PHACTR3: variants seen among roughly 807,000 people sequenced by gnomAD.
PHACTR3 encodes the protein protein phosphatase 1, regulatory subunit 123.
A neutral mutation model predicts 66.8 loss-of-function variants in PHACTR3; 16 were observed. The observed-to-expected ratio is 0.24, with a 90% CI of 0.16 to 0.36. PHACTR3 has a LOEUF of 0.36. Among genes scored for constraint, PHACTR3 ranks in the 10% least tolerant of loss-of-function variants. The pLI is 1.00. For synonymous variants in PHACTR3, 323 were observed against 292.1 expected (o/e 1.11, Z -1.08); for missense variants, 647 against 719.9 (o/e 0.90, Z 1.16).
At chr20:59,806,337 A>G in intron 8 of PHACTR3, 143 bp downstream of exon 8, 1 of 1,096,344 alleles carries the variant, frequency 9.1e-7, no homozygotes. Flanking sequence ...GCCACCGTTG[A>G]CGTTTGGGGC....
chr20:59,598,871 A>C (rs2033397389), intron 1 of PHACTR3, among the ~76,000 whole-genome samples: 2 of 152,090 alleles, frequency 1.3e-5, no homozygotes, highest in Admixed American at 1.3e-4. Context: ...CCTGTGTCAG[A>C]GTGGTGGTTT....
At chr20:59,720,927 T>G (rs940889525) in intron 1 of PHACTR3, among the ~76,000 whole-genome samples, 4 of 127,562 alleles carry the variant, frequency 3.1e-5, no homozygotes, top group African/African-American at 2.1e-4. Flanking sequence ...ATTTCTGTAG[T>G]GGGTGTCAGG....
At chr20:59,633,425 C>T (rs1398826790) in intron 1 of PHACTR3, among the ~76,000 whole-genome samples, 1 of 152,138 alleles carries the variant, frequency 6.6e-6, no homozygotes, top group Non-Finnish European at 1.5e-5. Flanking sequence ...ACCACATGCT[C>T]TCACTTATAA....
intron 1 of PHACTR3, among the ~76,000 whole-genome samples, chr20:59,579,576 A>T (rs895290588): frequency 2.6e-5 from 4 of 152,184 alleles, no homozygotes; most frequent in Admixed American, 1.3e-4. Context: ...CTCCATCAGA[A>T]GTCCCTAGGG....
At chr20:59,788,807 G>C (rs535226110) in intron 7 of PHACTR3, among the ~76,000 whole-genome samples, 20 of 152,186 alleles carry the variant, frequency 1.3e-4, no homozygotes, top group Admixed American at 1.2e-3. Context: ...CTCAGCTAAT[G>C]TCATCTCCAT....
chr20:59,619,370 T>C (rs1269404883), intron 1 of PHACTR3, among the ~76,000 whole-genome samples: 2 of 152,040 alleles, frequency 1.3e-5, no homozygotes, highest in East Asian at 1.9e-4. Context: ...TGGAAGGGAA[T>C]GTGAGTGACC....
chr20:59,679,720 G>C (rs889062969), intron 1 of PHACTR3, among the ~76,000 whole-genome samples: 2 of 152,160 alleles, frequency 1.3e-5, no homozygotes, highest in African/African-American at 4.8e-5. Context: ...AAGGTGAAAG[G>C]CATGTCTTAC....
upstream of PHACTR3, among the ~76,000 whole-genome samples, chr20:59,600,376 T>C (rs1252601627): frequency 6.6e-6 from 1 of 152,246 alleles, no homozygotes; most frequent in African/African-American, 2.4e-5. Context: ...CATGGTGGTA[T>C]TCCTGGCAAA....
intron 7 of PHACTR3, among the ~76,000 whole-genome samples, chr20:59,791,751 A>C (rs1384485168): frequency 3.1e-5 from 3 of 98,038 alleles, no homozygotes; most frequent in South Asian, 4.4e-4. Context: ...CCCACCCCAC[A>C]ACAGGCCCCG....
intron 8 of PHACTR3, among the ~76,000 whole-genome samples, chr20:59,809,919 G>T (rs983515251): frequency 6.6e-6 from 1 of 152,134 alleles, no homozygotes; most frequent in Non-Finnish European, 1.5e-5. Context: ...TTTATGGTTC[G>T]CACTATTTGT....
At chr20:59,809,668 T>G (rs894589742) in intron 8 of PHACTR3, among the ~76,000 whole-genome samples, 1 of 152,168 alleles carries the variant, frequency 6.6e-6, no homozygotes, top group Non-Finnish European at 1.5e-5. Flanking sequence ...GCTGTCAGAT[T>G]GCTGATCATA....
chr20:59,747,575 T>G (rs1449342172), intron 2 of PHACTR3, among the ~76,000 whole-genome samples, 183 bp from the exon 3 acceptor site: 3 of 152,256 alleles, frequency 2.0e-5, no homozygotes, highest in African/African-American at 4.8e-5. Flanking sequence ...TTATGCACAT[T>G]GCTTAGCAGC....
At chr20:59,807,079 A>G (rs896820120) in intron 8 of PHACTR3, among the ~76,000 whole-genome samples, 7 of 152,256 alleles carry the variant, frequency 4.6e-5, no homozygotes, top group Non-Finnish European at 8.8e-5. Flanking sequence ...GCACCTCCGC[A>G]GACTTCAGAA....
chr20:59,741,903 C>T (rs1287974877), intron 1 of PHACTR3, among the ~76,000 whole-genome samples: 6 of 152,138 alleles, frequency 3.9e-5, no homozygotes, highest in Non-Finnish European at 7.3e-5. Flanking sequence ...GCTGGGATTA[C>T]AGGTACCCGC....
At chr20:59,796,653 T>TC (rs893149794) in intron 7 of PHACTR3, among the ~76,000 whole-genome samples, 8 of 152,128 alleles carry the variant, frequency 5.3e-5, no homozygotes, top group Non-Finnish European at 1.0e-4. Context: ...GAGATTTTTT[T>TC]CCCCCTCTCT....
intron 1 of PHACTR3, among the ~76,000 whole-genome samples, chr20:59,594,795 T>A (rs1295894807): frequency 6.6e-6 from 1 of 152,234 alleles, no homozygotes; most frequent in East Asian, 1.9e-4. Context: ...CATTGAGTTA[T>A]GCTCTAATTT....
At chr20:59,588,495 C>T (rs551210179) in intron 1 of PHACTR3, among the ~76,000 whole-genome samples, 23 of 152,330 alleles carry the variant, frequency 1.5e-4, no homozygotes, top group African/African-American at 5.3e-4. Flanking sequence ...TCAATCTGCT[C>T]TCAGCTCTTC....
intron 7 of PHACTR3, among the ~76,000 whole-genome samples, chr20:59,801,125 T>C (rs1373338675): frequency 6.6e-6 from 1 of 152,150 alleles, no homozygotes; most frequent in Non-Finnish European, 1.5e-5. Context: ...AACTCTCTCC[T>C]CTCCAGGTCT....
intron 4 of PHACTR3, among the ~76,000 whole-genome samples, chr20:59,765,218 T>C: frequency 6.6e-6 from 1 of 152,198 alleles, no homozygotes; most frequent in East Asian, 1.9e-4. Context: ...ACATTATAGG[T>C]TACAAGTCAG....
Sources: allele counts gnomAD v4.1 joint callset (sites outside exome capture counted in the v4.1 genomes callset), GRCh38; gene constraint gnomAD v4.1.1; transcripts MANE v1.5; gene names NCBI Gene and HGNC (gene_info 2026-07-23, HGNC 2026-07-21).